The following NEGR1 variants were observed in gnomAD, a reference collection of about 807,000 sequenced individuals.
NEGR1 encodes neuronal growth regulator 1, also known as IgLON family member 4.
NEGR1 carries 10 observed loss-of-function variants against 40.9 expected under a neutral mutation model. The observed-to-expected ratio is 0.24, with a 90% CI of 0.15 to 0.42. NEGR1 has a LOEUF of 0.42. Among genes scored for constraint, NEGR1 ranks in the 10% least tolerant of loss-of-function variants. The probability of loss-of-function intolerance (pLI) is 1.00; values close to 1 mark genes in which losing one functional copy is unlikely to be tolerated. For synonymous variants in NEGR1, 185 were observed against 166.8 expected (o/e 1.11, Z -0.84); for missense variants, 352 against 438.9 (o/e 0.80, Z 1.77).
rs1170393038 is a variant in NEGR1, at chr1:71,398,459, G to A, written c.*8987C>T. 2 of 153,110 alleles carry A rather than the reference G, an allele frequency of 1.3e-5. No homozygotes were observed. Among genetic ancestry groups the A allele is most frequent in the African/African-American group, 4.8e-5 (2 of 41,490 alleles). The allele number at this position is 153,110 out of a possible 1,614,324, so 9.5% of individuals were successfully genotyped here. ...AAAGGAGATCATTTTGGAGCTTTAA[G>A]ACTTGACCGCCCCTGTAGTCCCTTT... On this transcript the variant is annotated 3_prime_UTR_variant, in exon 7 of 7. Coordinates refer to ENST00000357731, the MANE Select transcript of NEGR1 (RefSeq NM_173808.3).
At chr1:72,044,752 T>C (rs1302449757) in intron 1 of NEGR1, among the ~76,000 whole-genome samples, 1 of 151,864 alleles carries the variant, frequency 6.6e-6, no homozygotes, top group African/African-American at 2.4e-5. Context: ...TAATCATAAA[T>C]AAAGAATAGC....
chr1:72,166,467 A>G (rs933872983), intron 1 of NEGR1, among the ~76,000 whole-genome samples: 3 of 152,106 alleles, frequency 2.0e-5, no homozygotes, highest in Admixed American at 6.6e-5. Context: ...CAAAAAGAAG[A>G]TGTCTGCACT....
At chr1:71,618,080 G>A (rs1343485825) in intron 4 of NEGR1, among the ~76,000 whole-genome samples, 4 of 152,172 alleles carry the variant, frequency 2.6e-5, no homozygotes, top group Non-Finnish European at 4.4e-5. Context: ...TTATGGGGGC[G>A]AAAAGTGAAC....
intron 1 of NEGR1, among the ~76,000 whole-genome samples, chr1:72,046,190 A>C (rs1362062484): frequency 6.6e-6 from 1 of 151,666 alleles, no homozygotes; most frequent in African/African-American, 2.4e-5. Flanking sequence ...CCTATAATAG[A>C]GCAAAAATGC....
At chr1:72,114,539 A>G (rs1402268086) in intron 1 of NEGR1, among the ~76,000 whole-genome samples, 2 of 151,804 alleles carry the variant, frequency 1.3e-5, no homozygotes, top group African/African-American at 4.8e-5. Context: ...ACTTTTTGTC[A>G]TCTATCTATC....
At chr1:71,591,534 C>G (rs901063290) in intron 6 of NEGR1, among the ~76,000 whole-genome samples, 1 of 151,900 alleles carries the variant, frequency 6.6e-6, no homozygotes, top group Non-Finnish European at 1.5e-5. Context: ...TAATAATATA[C>G]CAAAGAAGTA....
At chr1:72,166,775 G>A (rs1388718772) in intron 1 of NEGR1, among the ~76,000 whole-genome samples, 1 of 151,986 alleles carries the variant, frequency 6.6e-6, no homozygotes, top group African/African-American at 2.4e-5. Flanking sequence ...AAGACGGATG[G>A]ATGTGTTAAT....
In NEGR1 at chr1:71,578,198, C is replaced by A. The variant is rs147514162; in HGVS notation, c.940+14619G>T. 1.8e-4 allele frequency among the ~76,000 whole-genome samples: 28 copies of A among 152,224 alleles called. No individual in the cohort carries two copies. In the East Asian group the frequency reaches 4.6e-3, roughly 25 times the overall value. ...GGATTTGTGTTAAGCCATCTCAGCTCTCTCATCGTGCTCCTATTATAACCA... is the reference window on the plus strand; with the variant it reads ...GGATTTGTGTTAAGCCATCTCAGCTATCTCATCGTGCTCCTATTATAACCA... On this transcript the variant is annotated intron_variant, in intron 6 of 6. Transcript: ENST00000357731.
intron 1 of NEGR1, among the ~76,000 whole-genome samples, chr1:72,254,606 G>A (rs1655203528): frequency 6.6e-6 from 1 of 151,520 alleles, no homozygotes; most frequent in Non-Finnish European, 1.5e-5. Context: ...GGAGGCTGAG[G>A]CAGGAGAATG....
intron 6 of NEGR1, among the ~76,000 whole-genome samples, chr1:71,585,670 CT>C (rs1649278711): frequency 7.1e-6 from 1 of 141,454 alleles, no homozygotes; most frequent in Non-Finnish European, 1.5e-5. Flanking sequence ...AGTAATTAAT[CT>C]TGTACAACCT....
At chr1:71,749,477 T>C (rs773366373) in intron 3 of NEGR1, among the ~76,000 whole-genome samples, 1 of 152,232 alleles carries the variant, frequency 6.6e-6, no homozygotes, top group Non-Finnish European at 1.5e-5. Context: ...ACTTATATCA[T>C]ATTTGCTATG....
intron 3 of NEGR1, among the ~76,000 whole-genome samples, chr1:71,722,177 A>G (rs767839704): frequency 1.3e-5 from 2 of 152,124 alleles, no homozygotes; most frequent in African/African-American, 4.8e-5. Context: ...AAAATGGAAG[A>G]TAAGTTAGGA....
intron 1 of NEGR1, among the ~76,000 whole-genome samples, chr1:72,101,151 T>G (rs75942500): frequency 6.6e-6 from 1 of 152,210 alleles, no homozygotes; most frequent in African/African-American, 2.4e-5. Flanking sequence ...CATATAAGTT[T>G]GACTGTGTCT....
intron 1 of NEGR1, among the ~76,000 whole-genome samples, chr1:72,265,474 GTAAC>G (rs1025402167): frequency 2.7e-5 from 4 of 150,852 alleles, no homozygotes; most frequent in African/African-American, 9.7e-5. Flanking sequence ...CCTAAAGTAT[GTAAC>G]TAATATACTA....
chr1:71,787,290 C>A (rs1199569282), intron 2 of NEGR1, among the ~76,000 whole-genome samples: 1 of 152,150 alleles, frequency 6.6e-6, no homozygotes, highest in Non-Finnish European at 1.5e-5. Context: ...ATCAAATAGA[C>A]AATGGAACAA....
intron 6 of NEGR1, among the ~76,000 whole-genome samples, chr1:71,488,692 T>C (rs574531253): frequency 1.6e-4 from 24 of 151,692 alleles, no homozygotes; most frequent in Non-Finnish European, 2.9e-4. Flanking sequence ...TCCCTTCTTC[T>C]ATTATATTAT....
chr1:71,474,970 A>G (rs1646810637), intron 6 of NEGR1, among the ~76,000 whole-genome samples: 1 of 152,108 alleles, frequency 6.6e-6, no homozygotes, highest in African/African-American at 2.4e-5. Flanking sequence ...TCAGGTAAGA[A>G]ATAAACAGAA....
chr1:71,930,390 A>G (rs1387221840), intron 2 of NEGR1, among the ~76,000 whole-genome samples: 1 of 152,186 alleles, frequency 6.6e-6, no homozygotes, highest in East Asian at 1.9e-4. Context: ...CTCTAGATAT[A>G]TTGGCTTTCA....
chr1:71,455,624 C>G (rs756900035), intron 6 of NEGR1, among the ~76,000 whole-genome samples: 3 of 152,164 alleles, frequency 2.0e-5, no homozygotes, highest in Non-Finnish European at 4.4e-5. Flanking sequence ...ACTCAGGAGA[C>G]TGAGGCAGGG....
Sources: gnomAD v4.1 joint callset for allele counts (sites outside exome capture counted in the v4.1 genomes callset) on GRCh38, gnomAD v4.1.1 for gene constraint, MANE v1.5 for transcripts, NCBI Gene and HGNC (gene_info 2026-07-23, HGNC 2026-07-21) for gene names.